Variants in SYNDIG1 observed in about 807,000 individuals in gnomAD.
The protein encoded by SYNDIG1 is synapse differentiation-inducing gene protein 1.
In SYNDIG1, 9 loss-of-function variants were observed where a neutral mutation model predicts 19.4. The observed-to-expected ratio is 0.46, with a 90% CI of 0.28 to 0.81. The LOEUF is 0.81. SYNDIG1 is among the 30% of genes least tolerant of loss of function. SYNDIG1 has a pLI of 0.12. For synonymous variants in SYNDIG1, 141 were observed against 145.9 expected (o/e 0.97, Z 0.24); for missense variants, 311 against 343.3 (o/e 0.91, Z 0.74).
intron 3 of SYNDIG1, among the ~76,000 whole-genome samples, chr20:24,642,284 A>G (rs1465050433): frequency 1.3e-5 from 2 of 152,160 alleles, no homozygotes; most frequent in Admixed American, 6.5e-5. Flanking sequence ...CTGAGGTTAT[A>G]GACTTGGGGT....
At chr20:24,648,812 T>G (rs1468643573) in intron 3 of SYNDIG1, among the ~76,000 whole-genome samples, 1 of 152,256 alleles carries the variant, frequency 6.6e-6, no homozygotes, top group Admixed American at 6.5e-5. Context: ...AGCATTGGGA[T>G]GCTAACAGCT....
chr20:24,537,048 C>T (rs945226410), intron 1 of SYNDIG1, among the ~76,000 whole-genome samples: 3 of 152,112 alleles, frequency 2.0e-5, no homozygotes, highest in African/African-American at 4.8e-5. Flanking sequence ...CCTGAACTGC[C>T]TCTATGATGA....
chr20:24,551,970 AC>A (rs1477995928), intron 2 of SYNDIG1, among the ~76,000 whole-genome samples: 3 of 152,200 alleles, frequency 2.0e-5, no homozygotes, highest in Admixed American at 6.5e-5. Flanking sequence ...AGTGTTTTAT[AC>A]AGATTCGCAA....
chr20:24,536,298 G>T (rs569733011), intron 1 of SYNDIG1, among the ~76,000 whole-genome samples: 1 of 152,134 alleles, frequency 6.6e-6, no homozygotes, highest in African/African-American at 2.4e-5. Context: ...GGGTGTCAGC[G>T]CACTCAAAGG....
At chr20:24,653,232 C>G (rs1249516331) in intron 3 of SYNDIG1, among the ~76,000 whole-genome samples, 2 of 152,052 alleles carry the variant, frequency 1.3e-5, no homozygotes, top group Admixed American at 6.5e-5. Context: ...AAGATGAAAG[C>G]GCACGGAGGA....
At chr20:24,561,152 G>A (rs1027453828) in intron 2 of SYNDIG1, among the ~76,000 whole-genome samples, 11 of 152,018 alleles carry the variant, frequency 7.2e-5, no homozygotes, top group Admixed American at 2.0e-4. Context: ...CAGTAGCTCC[G>A]TGTGTGCTTT....
chr20:24,510,203 C>T (rs993458758), intron 1 of SYNDIG1, among the ~76,000 whole-genome samples: 1 of 152,162 alleles, frequency 6.6e-6, no homozygotes, highest in Non-Finnish European at 1.5e-5. Flanking sequence ...CTAGAACAGC[C>T]TAATGCACTT....
At chr20:24,502,994 A>T (rs529918472) in intron 1 of SYNDIG1, among the ~76,000 whole-genome samples, 1 of 152,342 alleles carries the variant, frequency 6.6e-6, no homozygotes, top group African/African-American at 2.4e-5. Flanking sequence ...ATCATTCAAG[A>T]TGTCATAGCA....
intron 1 of SYNDIG1, among the ~76,000 whole-genome samples, chr20:24,490,971 C>G (rs2056130418): frequency 6.6e-6 from 1 of 152,204 alleles, no homozygotes; most frequent in Non-Finnish European, 1.5e-5. Flanking sequence ...GTACTGAGCC[C>G]ACTTAGGGAG....
At chr20:24,522,829 C>T (rs2062025498) in intron 1 of SYNDIG1, among the ~76,000 whole-genome samples, 1 of 152,100 alleles carries the variant, frequency 6.6e-6, no homozygotes. Context: ...AAGTGGCAGC[C>T]AACATGTCAC....
intron 3 of SYNDIG1, 29 bp from the exon 4 acceptor site, chr20:24,665,317 G>A: frequency 6.3e-7 from 1 of 1,578,456 alleles, no homozygotes; most frequent in Non-Finnish European, 8.6e-7. Flanking sequence ...TGCTTACAAT[G>A]ACTTCCTTTT....
intron 3 of SYNDIG1, among the ~76,000 whole-genome samples, chr20:24,657,433 G>T (rs1197735538): frequency 6.6e-6 from 1 of 152,168 alleles, no homozygotes; most frequent in African/African-American, 2.4e-5. Flanking sequence ...GGAGGGGATC[G>T]GCGCCAGCAC....
At chr20:24,574,722 T>A (rs1320801452) in intron 2 of SYNDIG1, among the ~76,000 whole-genome samples, 1 of 152,144 alleles carries the variant, frequency 6.6e-6, no homozygotes, top group Admixed American at 6.5e-5. Flanking sequence ...TCCTCTAATA[T>A]AATGATATGT....
intron 3 of SYNDIG1, among the ~76,000 whole-genome samples, chr20:24,607,158 G>A (rs1308285059): frequency 6.6e-6 from 1 of 152,046 alleles, no homozygotes; most frequent in African/African-American, 2.4e-5. Context: ...TCAGGAGTTC[G>A]AGACCAGCCT....
chr20:24,470,836 GTCC>G (rs1425763980), intron 1 of SYNDIG1, among the ~76,000 whole-genome samples: 2 of 152,162 alleles, frequency 1.3e-5, no homozygotes, highest in Non-Finnish European at 2.9e-5. Context: ...GGTGCGCACA[GTCC>G]TCCTGCGACG....
intron 1 of SYNDIG1, among the ~76,000 whole-genome samples, chr20:24,541,867 A>T (rs950176504): frequency 6.6e-6 from 1 of 152,258 alleles, no homozygotes; most frequent in African/African-American, 2.4e-5. Context: ...ACAGAGAGCC[A>T]TGTGGATAAC....
At chr20:24,548,292 A>G (rs2057630020) in intron 2 of SYNDIG1, among the ~76,000 whole-genome samples, 1 of 152,154 alleles carries the variant, frequency 6.6e-6, no homozygotes, top group Non-Finnish European at 1.5e-5. Context: ...TGTTCCAGTA[A>G]ACTTCTGTTT....
chr20:24,538,209 A>G (rs1445580696), intron 1 of SYNDIG1, among the ~76,000 whole-genome samples: 1 of 152,120 alleles, frequency 6.6e-6, no homozygotes, highest in African/African-American at 2.4e-5. Context: ...CCATCTATCT[A>G]CCATCTATCT....
chr20:24,632,902 T>G, intron 3 of SYNDIG1, among the ~76,000 whole-genome samples: 1 of 151,888 alleles, frequency 6.6e-6, no homozygotes, highest in Non-Finnish European at 1.5e-5. Context: ...TGAAATGAAC[T>G]TATTTTATGA....
Sources: allele counts gnomAD v4.1 joint callset (sites outside exome capture counted in the v4.1 genomes callset), GRCh38; gene constraint gnomAD v4.1.1; transcripts MANE v1.5; gene names NCBI Gene and HGNC (gene_info 2026-07-23, HGNC 2026-07-21).